Variants in C12orf75 observed in about 807,000 individuals in gnomAD.
C12orf75 encodes the protein chromosome 12 open reading frame 75.
A neutral mutation model predicts 11.4 loss-of-function variants in C12orf75; 4 were observed. The observed-to-expected ratio is 0.35, with a 90% CI of 0.17 to 0.80. The LOEUF is 0.80. Ranked by LOEUF, C12orf75 falls within the 30% of genes least tolerant of loss-of-function variation. The pLI is 0.52. For synonymous variants in C12orf75, 30 were observed against 30.0 expected (o/e 1.00, Z 0.00); for missense variants, 89 against 80.4 (o/e 1.11, Z -0.41).
Position 105,330,874 on chromosome 12 carries a change from T to C in C12orf75, c.-18T>C. The C allele has an allele frequency of 8.0e-7, 1 of 1,253,598 alleles. No individual in the cohort carries two copies. Among genetic ancestry groups the C allele is most frequent in the Admixed American group, 4.0e-5 (1 of 25,198 alleles). 77.7% of individuals were successfully genotyped at this position (1,253,598 alleles called of 1,614,324 possible). A position where few individuals can be genotyped will look rare whatever the true frequency, so the allele number is the denominator to read the frequency against. On this transcript the variant is annotated 5_prime_UTR_variant, in exon 1 of 6. Transcript: ENST00000443585. The stretch of plus-strand genomic sequence containing the variant: ...CGGCCGAGAGCTCCGGAGCGCGGCT[T>C]CCCCGGCCGGCTGCGCGATGGGCTG...
chr12:105,366,214 ATCTC>A (rs1430239591), intron 3 of C12orf75: 2 of 299,976 alleles, frequency 6.7e-6, no homozygotes, highest in Non-Finnish European at 1.2e-5. Context: ...CTCATTTTGT[ATCTC>A]TCTATTAGTA....
chr12:105,331,787 A>C (rs1425441978), intron 1 of C12orf75, among the ~76,000 whole-genome samples: 1 of 152,112 alleles, frequency 6.6e-6, no homozygotes, highest in Non-Finnish European at 1.5e-5. Context: ...ATCTGTTTTG[A>C]GTAATAACTG....
chr12:105,359,384 C>T (rs953565476), intron 2 of C12orf75, among the ~76,000 whole-genome samples: 7 of 152,132 alleles, frequency 4.6e-5, no homozygotes, highest in African/African-American at 1.7e-4. Context: ...TTGCTTCTCT[C>T]CCATTTTCCA....
chr12:105,364,167 T>C (rs1871387596), intron 2 of C12orf75, among the ~76,000 whole-genome samples: 1 of 152,218 alleles, frequency 6.6e-6, no homozygotes, highest in Non-Finnish European at 1.5e-5. Flanking sequence ...AGTAAACAGT[T>C]CTTATCAGAA....
intron 2 of C12orf75, among the ~76,000 whole-genome samples, chr12:105,362,972 C>G (rs1160778440): frequency 6.6e-6 from 1 of 152,230 alleles, no homozygotes; most frequent in African/African-American, 2.4e-5. Context: ...ATGGTCAAAG[C>G]TTTTGCAAAA....
chr12:105,351,253 A>G (rs1332911187), intron 2 of C12orf75, among the ~76,000 whole-genome samples: 2 of 152,102 alleles, frequency 1.3e-5, no homozygotes, highest in African/African-American at 4.8e-5. Context: ...ATCTAAACAG[A>G]CTGATTCCCA....
intron 1 of C12orf75, among the ~76,000 whole-genome samples, chr12:105,348,360 A>G (rs1047952941): frequency 3.3e-5 from 5 of 150,386 alleles, no homozygotes; most frequent in Non-Finnish European, 7.4e-5. Flanking sequence ...GGTTGCAGTG[A>G]GCCGAGATTG....
intron 2 of C12orf75, among the ~76,000 whole-genome samples, chr12:105,355,456 C>G (rs1479066758): frequency 6.6e-6 from 1 of 152,214 alleles, no homozygotes; most frequent in Non-Finnish European, 1.5e-5. Context: ...GTGTGTGCCA[C>G]TGCACGTGGC....
chr12:105,330,728 G>C lies in C12orf75; in HGVS notation c.-164G>C, dbSNP rs1892408536. The stretch of plus-strand genomic sequence containing the variant: ...GCAGCCCGCAGCCCGCTGCGCCCCG[G>C]GCCGCGTCTCCCGGCGGTGGGAGGG... On this transcript the variant is annotated 5_prime_UTR_variant, in exon 1 of 6. Coordinates refer to ENST00000443585, the MANE Select transcript of C12orf75 (RefSeq NM_001145199.2). 1.7e-6 allele frequency: 1 copy of C among 601,740 alleles called. No individual in the cohort carries two copies. Among genetic ancestry groups the C allele is most frequent in the Non-Finnish European group, 2.3e-6 (1 of 437,084 alleles). The allele number at this position is 601,740 out of a possible 1,614,324, so 37.3% of individuals were successfully genotyped here.
intron 1 of C12orf75, among the ~76,000 whole-genome samples, chr12:105,337,039 A>G (rs7300844): frequency 0.52 from 78,612 of 151,938 alleles, 20,558 homozygotes; most frequent in Non-Finnish European, 0.55. Context: ...CAAAACCAGC[A>G]CGGGCCGGGC....
intron 1 of C12orf75, 77 bp downstream of exon 1, chr12:105,331,014 G>A (rs1892415341): frequency 2.2e-6 from 2 of 925,884 alleles, no homozygotes; most frequent in East Asian, 6.7e-5. Flanking sequence ...GGGATCTTGG[G>A]TGGGGGGCGC....
At chr12:105,340,420 G>A (rs535607212) in intron 1 of C12orf75, among the ~76,000 whole-genome samples, 79 of 121,402 alleles carry the variant, frequency 6.5e-4, no homozygotes, top group Non-Finnish European at 1.1e-3. Context: ...GTGAGACTCC[G>A]TGCCCCCGCC....
chr12:105,365,539 T>C (rs1192377292), intron 2 of C12orf75, among the ~76,000 whole-genome samples: 1 of 152,224 alleles, frequency 6.6e-6, no homozygotes, highest in Admixed American at 6.5e-5. Context: ...TTCCATTTCA[T>C]TTGGCAGTTG....
At chr12:105,354,762 G>A (rs543233121) in intron 2 of C12orf75, among the ~76,000 whole-genome samples, 1 of 152,286 alleles carries the variant, frequency 6.6e-6, no homozygotes, top group African/African-American at 2.4e-5. Flanking sequence ...CAGGAAGAGA[G>A]AGAGCAGATG....
chr12:105,358,566 T>G (rs955271075), intron 2 of C12orf75, among the ~76,000 whole-genome samples: 52 of 152,306 alleles, frequency 3.4e-4, no homozygotes, highest in African/African-American at 1.0e-3. Context: ...AGGGTTTTCC[T>G]GATAAGATGG....
chr12:105,360,645 T>A (rs1220403535), intron 2 of C12orf75, among the ~76,000 whole-genome samples: 1 of 152,208 alleles, frequency 6.6e-6, no homozygotes, highest in African/African-American at 2.4e-5. Context: ...TATTGACAAG[T>A]GAATTATTAC....
intron 2 of C12orf75, among the ~76,000 whole-genome samples, chr12:105,362,334 G>A (rs536992721): frequency 0.011 from 1,494 of 130,606 alleles, 29 homozygotes; most frequent in African/African-American, 0.042. Context: ...GCAGTGAGCC[G>A]AGATCCCGCC....
At chr12:105,368,739 C>T (rs973921397) in intron 5 of C12orf75, among the ~76,000 whole-genome samples, 6 of 152,120 alleles carry the variant, frequency 3.9e-5, no homozygotes, top group African/African-American at 1.2e-4. Context: ...AGAAAGGAGA[C>T]GCAGAAACTG....
intron 2 of C12orf75, among the ~76,000 whole-genome samples, chr12:105,364,462 G>A (rs10861407): frequency 0.17 from 26,291 of 151,944 alleles, 2,589 homozygotes; most frequent in Non-Finnish European, 0.22. Context: ...CATGGCCAGC[G>A]TTCACCAGAT....
Sources: allele counts gnomAD v4.1 joint callset (sites outside exome capture counted in the v4.1 genomes callset), GRCh38; gene constraint gnomAD v4.1.1; transcripts MANE v1.5; gene names NCBI Gene and HGNC (gene_info 2026-07-23, HGNC 2026-07-21).